The following ZNF329 variants were observed in gnomAD, a reference collection of about 807,000 sequenced individuals.
The protein encoded by ZNF329 is zinc finger protein 329.
Under a neutral mutation model 26.6 loss-of-function variants are expected in ZNF329, and 15 were observed. The ratio of observed to expected loss-of-function variants is 0.56; its 90% CI spans 0.38 to 0.87. ZNF329 has a LOEUF of 0.87. ZNF329 is among the 40% of genes least tolerant of loss of function. The pLI is 0.00. For synonymous variants in ZNF329, 239 were observed against 233.5 expected (o/e 1.02, Z -0.21); for missense variants, 651 against 651.9 (o/e 1.00, Z 0.02).
chr19:58,138,658 C>A (rs78739072), intron 3 of ZNF329, among the ~76,000 whole-genome samples: 2,356 of 152,248 alleles, frequency 0.015, 50 homozygotes, highest in African/African-American at 0.053. Context: ...CTTGAAAGCA[C>A]CTCCCCGCAC....
rs182758482 is a variant in ZNF329, at chr19:58,129,162, A to G, written c.342T>C (p.Tyr114=). 35 of 1,614,210 alleles carry G rather than the reference A, an allele frequency of 2.2e-5. No individual in the cohort carries two copies. The highest frequency in any genetic ancestry group is 3.3e-5 in the Admixed American group (2 of 60,020). ...DPALPSYPKS[Y]ADKRTGDSDA... The stretch of plus-strand genomic sequence containing the variant: ...CACTGTCACCAGTTCTCTTATCTGC[A>G]TAACTTTTAGGATAGCTGGGTAAGG... Residue 114 remains tyrosine, a synonymous_variant, in exon 4 of 4, where the codon TAT becomes TAC. Coordinates refer to ENST00000598312, the MANE Select transcript of ZNF329 (RefSeq NM_024620.4).
intron 3 of ZNF329, chr19:58,132,552 T>A (rs984827068): frequency 6.6e-6 from 1 of 151,658 alleles, no homozygotes; most frequent in Admixed American, 6.6e-5. Context: ...CGGTGGCGCA[T>A]GCATGTAATC....
At chr19:58,149,427 T>C (rs1275856622) in intron 1 of ZNF329, among the ~76,000 whole-genome samples, 2 of 152,156 alleles carry the variant, frequency 1.3e-5, no homozygotes, top group Non-Finnish European at 2.9e-5. Flanking sequence ...GGGACCCCCT[T>C]TCTGGTAACA....
intron 3 of ZNF329, among the ~76,000 whole-genome samples, chr19:58,137,628 G>C (rs935037475): frequency 2.0e-5 from 3 of 151,380 alleles, no homozygotes; most frequent in African/African-American, 7.3e-5. Context: ...AGAAAACCAA[G>C]TCTGTCATTT....
chr19:58,138,649 T>A (rs1429865604), intron 3 of ZNF329, among the ~76,000 whole-genome samples: 2 of 152,142 alleles, frequency 1.3e-5, no homozygotes. Context: ...AACAAGGGAC[T>A]TGAAAGCACC....
At chr19:58,149,404 T>C (rs748268131) in intron 1 of ZNF329, among the ~76,000 whole-genome samples, 6 of 152,086 alleles carry the variant, frequency 3.9e-5, no homozygotes, top group Non-Finnish European at 8.8e-5. Flanking sequence ...AACCCTCTGT[T>C]GGGTTATAGC....
chr19:58,133,817 A>C (rs1400100065), intron 3 of ZNF329, among the ~76,000 whole-genome samples: 1 of 151,436 alleles, frequency 6.6e-6, no homozygotes, highest in Non-Finnish European at 1.5e-5. Flanking sequence ...TGGGCAACAC[A>C]GTGAGATGTC....
At position 58,128,904 on chromosome 19, in the gene ZNF329, C is replaced by A. The variant is rs2074868382; in HGVS notation, c.600G>T (p.Glu200Asp). Residue 200 changes from glutamate to aspartate, a missense_variant, in exon 4 of 4, where the codon GAG becomes GAT. Coordinates refer to ENST00000598312, the MANE Select transcript of ZNF329 (RefSeq NM_024620.4). ...CACATTCAGTACATCTATATTGTTT[C>A]TCTCCAGGGAGATTTCTCTGGTTTT... The part of the protein sequence containing the change: ...LNENQRNLPG[E>D]KQYRCTECGK... 1 of 1,614,004 alleles carries A rather than the reference C, an allele frequency of 6.2e-7. No individual in the cohort carries two copies.
chr19:58,130,428 T>G (rs1482744225), intron 3 of ZNF329, among the ~76,000 whole-genome samples: 1 of 151,922 alleles, frequency 6.6e-6, no homozygotes, highest in Non-Finnish European at 1.5e-5. Context: ...ATCCCAGCAC[T>G]TTGGGAGGCC....
chr19:58,130,853 A>C (rs1021553996), intron 3 of ZNF329, among the ~76,000 whole-genome samples: 1 of 151,952 alleles, frequency 6.6e-6, no homozygotes, highest in East Asian at 1.9e-4. Context: ...TCGTTCATTC[A>C]TTTGGTGGGA....
At chr19:58,149,629 C>G (rs2075404215) in intron 1 of ZNF329, among the ~76,000 whole-genome samples, 1 of 152,098 alleles carries the variant, frequency 6.6e-6, no homozygotes, top group Non-Finnish European at 1.5e-5. Flanking sequence ...GGAGGAAAGT[C>G]ACTTGCTGTG....
At chr19:58,137,973 T>C (rs1241171588) in intron 3 of ZNF329, among the ~76,000 whole-genome samples, 2 of 151,974 alleles carry the variant, frequency 1.3e-5, no homozygotes, top group Non-Finnish European at 2.9e-5. Context: ...AGCAAGACCC[T>C]GTCTCAATAA....
rs1305724396 is a variant in ZNF329, at chr19:58,129,569, C to T, written c.-8-58G>A. On this transcript the variant is annotated intron_variant, in intron 3 of 3. Coordinates refer to ENST00000598312, the MANE Select transcript of ZNF329 (RefSeq NM_024620.4). ...TATGAAGCTTTATCTGTAAGAGAAA[C>T]AGACAATGATGATGGGCTAGGTGTA... The T allele has an allele frequency of 2.1e-6, 3 of 1,427,584 alleles. No homozygotes were observed. In the African/African-American group the frequency reaches 4.3e-5, roughly 20 times the overall value. 88.4% of individuals were successfully genotyped at this position (1,427,584 alleles called of 1,614,324 possible).
In ZNF329 at chr19:58,126,511, A is replaced by C. The variant is rs2074804418; in HGVS notation, c.*1367T>G. On this transcript the variant is annotated 3_prime_UTR_variant, in exon 4 of 4. Transcript: ENST00000598312. ...CCTTTATAATGGTTCACAGTGGCTGAATTAGAAGCATCCTAAATGAACAAC... is the reference window on the plus strand; with the variant it reads ...CCTTTATAATGGTTCACAGTGGCTGCATTAGAAGCATCCTAAATGAACAAC... 6.6e-6 allele frequency: 1 copy of C among 152,212 alleles called. No individual in the cohort carries two copies. The highest frequency in any genetic ancestry group is 1.5e-5 in the Non-Finnish European group (1 of 68,036). 9.4% of individuals were successfully genotyped at this position (152,212 alleles called of 1,614,324 possible). A position where few individuals can be genotyped will look rare whatever the true frequency, so the allele number is the denominator to read the frequency against.
intron 1 of ZNF329, among the ~76,000 whole-genome samples, chr19:58,148,143 G>A (rs1416673901): frequency 6.6e-6 from 1 of 151,712 alleles, no homozygotes; most frequent in Non-Finnish European, 1.5e-5. Context: ...AGGGTTAAAT[G>A]GATTAAGGGC....
At position 58,128,276 on chromosome 19, in the gene ZNF329, C is replaced by T. The variant is rs773747564; in HGVS notation, c.1228G>A (p.Glu410Lys). 19 of 1,609,548 alleles carry T rather than the reference C, an allele frequency of 1.2e-5. No homozygotes were observed. The highest frequency in any genetic ancestry group is 4.5e-5 in the East Asian group (2 of 44,854). Residue 410 changes from glutamate (E) to lysine (K), a missense_variant, in exon 4 of 4, where the codon GAG (glutamate) becomes AAG (lysine). Transcript: ENST00000598312. ...TGATGCCTGATGAGGTACGCACTCT[C>T]GATGAAAGTCTTGCCACATTCTTTA... Reference protein sequence around the residue: ...ECKECGKTFIESAYLIRHQRI... With the variant: ...ECKECGKTFIKSAYLIRHQRI...
upstream of ZNF329, among the ~76,000 whole-genome samples, chr19:58,151,957 A>C: frequency 6.6e-6 from 1 of 152,192 alleles, no homozygotes; most frequent in East Asian, 1.9e-4. Flanking sequence ...TGTCATCTTT[A>C]TTATTTATAG....
At chr19:58,140,342 C>T (rs961812481) in intron 3 of ZNF329, among the ~76,000 whole-genome samples, 6 of 151,706 alleles carry the variant, frequency 4.0e-5, no homozygotes, top group Non-Finnish European at 8.8e-5. Flanking sequence ...GATTATAAAC[C>T]GTGCACATTA....
intron 3 of ZNF329, 135 bp from the exon 4 acceptor site, chr19:58,129,646 G>A: frequency 1.2e-6 from 1 of 816,002 alleles, no homozygotes; most frequent in Non-Finnish European, 1.8e-6. Context: ...ATTTATACAA[G>A]GAAGAGGTAA....
Sources: allele counts gnomAD v4.1 joint callset (sites outside exome capture counted in the v4.1 genomes callset), GRCh38; gene constraint gnomAD v4.1.1; transcripts MANE v1.5; gene names NCBI Gene and HGNC (gene_info 2026-07-23, HGNC 2026-07-21).